Variants in FAM193B observed in about 807,000 individuals in gnomAD.
FAM193B encodes protein FAM193B.
A neutral mutation model predicts 70.7 loss-of-function variants in FAM193B; 27 were observed. That is an observed-to-expected ratio of 0.38 (90% CI 0.28 to 0.53). The LOEUF is 0.53. Among genes scored for constraint, FAM193B ranks in the 20% least tolerant of loss-of-function variants. FAM193B has a pLI of 0.81. For missense variants in FAM193B, 1,022 were observed against 1,072.5 expected (o/e 0.95, Z 0.66); for synonymous variants, 448 against 436.0 (o/e 1.03, Z -0.34).
chr5:177,526,368 G>T (rs140611636), intron 5 of FAM193B, among the ~76,000 whole-genome samples: 1 of 152,318 alleles, frequency 6.6e-6, no homozygotes, highest in East Asian at 1.9e-4. Flanking sequence ...CGAAGGTGGG[G>T]CTGGGCTTCG....
chr5:177,541,196 T>G (rs1764807473), intron 1 of FAM193B, among the ~76,000 whole-genome samples: 1 of 152,128 alleles, frequency 6.6e-6, no homozygotes, highest in African/African-American at 2.4e-5. Flanking sequence ...GGAAGGTGGA[T>G]AGAGAAGGAT....
At chr5:177,542,133 TTC>T (rs1200126367) in intron 1 of FAM193B, among the ~76,000 whole-genome samples, 3 of 152,238 alleles carry the variant, frequency 2.0e-5, no homozygotes, top group African/African-American at 4.8e-5. Context: ...TACGTGTGTT[TTC>T]TGTTTTTAAA....
intron 5 of FAM193B, chr5:177,525,461 T>C (rs538121215): frequency 1.9e-5 from 7 of 375,696 alleles, no homozygotes; most frequent in African/African-American, 6.2e-5. Context: ...TCAGTTTCAG[T>C]GGACTAATCT....
chr5:177,537,772 T>A lies in FAM193B; in HGVS notation c.688+101A>T, dbSNP rs1245057355. The A allele has an allele frequency of 4.9e-6, 7 of 1,432,166 alleles. No homozygotes were observed. The East Asian group carries it at 1.7e-4, about 36-fold the overall frequency. The allele number at this position is 1,432,166 out of a possible 1,614,324, so 88.7% of individuals were successfully genotyped here. A position where few individuals can be genotyped will look rare whatever the true frequency, so the allele number is the denominator to read the frequency against. ...ACCAGAACAGTTCCACTTTTACTTA[T>A]TTTAGTAACCAGTCTTATGATTTGT... On this transcript the variant is annotated intron_variant, in intron 3 of 8. Coordinates refer to ENST00000514747, the MANE Select transcript of FAM193B (RefSeq NM_001190946.3).
intron 1 of FAM193B, chr5:177,553,128 G>T: frequency 1.0e-6 from 1 of 979,752 alleles, no homozygotes; most frequent in Non-Finnish European, 1.2e-6. Context: ...GGTCAGGGGA[G>T]GCTTTGTGGG....
chr5:177,527,795 C>T (rs574389063), intron 5 of FAM193B, among the ~76,000 whole-genome samples: 4 of 152,280 alleles, frequency 2.6e-5, no homozygotes, highest in East Asian at 1.9e-4. Context: ...CCCAGTGCTC[C>T]GGCTCAGGCA....
chr5:177,523,928 A>G (rs773144347), intron 7 of FAM193B, 29 bp downstream of exon 7: 1 of 1,611,720 alleles, frequency 6.2e-7, no homozygotes, highest in South Asian at 1.1e-5. Context: ...AGTCCTCCAC[A>G]AGTGGGAGAG....
chr5:177,543,021 GA>G (rs1439756406), intron 1 of FAM193B, among the ~76,000 whole-genome samples: 8 of 152,272 alleles, frequency 5.3e-5, no homozygotes, highest in Non-Finnish European at 1.0e-4. Context: ...TGCCTACAGA[GA>G]AAGGCCCATC....
intron 5 of FAM193B, 171 bp from the exon 6 acceptor site, chr5:177,525,376 C>T (rs1461166132): frequency 1.1e-5 from 6 of 521,898 alleles, no homozygotes; most frequent in East Asian, 3.5e-5. Context: ...TGCAGCCAGA[C>T]AGGTACATGT....
At chr5:177,531,880 C>T (rs1763519259) in intron 5 of FAM193B, 6 of 1,187,454 alleles carry the variant, frequency 5.1e-6, no homozygotes, top group Non-Finnish European at 5.3e-6. Context: ...TCAAAGGTGA[C>T]TAGCAATTTA....
At chr5:177,523,441 C>T in intron 7 of FAM193B, 1 of 228,904 alleles carries the variant, frequency 4.4e-6, no homozygotes, top group Non-Finnish European at 9.1e-6. Context: ...ATCTTTTGTA[C>T]TCACTGGCCC....
rs931699224 is a variant in FAM193B at position 177,537,964 on chromosome 5, C to G, written c.597G>C (p.Leu199=). ...NSGDWDPSSF[L]SAHKLSGLWN... ...AGAGGCCCGAGAGCTTATGTGCCGA[C>G]AGGAACGAGCTAGGATCCCAGTCTC... Residue 199 remains leucine, a synonymous_variant, in exon 3 of 9, where the codon CTG becomes CTC. Transcript: ENST00000514747. 7 of 1,566,484 alleles carry G rather than the reference C, an allele frequency of 4.5e-6. No individual in the cohort carries two copies. Among genetic ancestry groups the G allele is most frequent in the East Asian group, 2.4e-5 (1 of 42,228 alleles).
rs746366747 is a variant in FAM193B at position 177,524,393 on chromosome 5, G to T, written c.2088C>A (p.Ser696Arg). The T allele has an allele frequency of 1.3e-6, 2 of 1,569,962 alleles. No homozygotes were observed. Among genetic ancestry groups the T allele is most frequent in the Middle Eastern group, 1.7e-4 (1 of 5,910 alleles). ...CAEAGEGSRG[S>R]RPGPGWAGSP... ...TGCCAGCCCAACCTGGTCCTGGCCG[G>T]CTCCCCCGGCTCCCCTCTCCAGCCT... Residue 696 changes from serine (S) to arginine (R), a missense_variant, in exon 6 of 9, where the codon AGC (serine) becomes AGA (arginine). Physicochemically the swap from Ser to Arg is moderately radical, Grantham distance 110. Coordinates refer to ENST00000514747, the MANE Select transcript of FAM193B (RefSeq NM_001190946.3).
chr5:177,529,688 A>G (rs1763160194), intron 5 of FAM193B, among the ~76,000 whole-genome samples: 1 of 152,230 alleles, frequency 6.6e-6, no homozygotes, highest in Non-Finnish European at 1.5e-5. Context: ...GAGAGAAGAT[A>G]GCATTATCAG....
intron 4 of FAM193B, among the ~76,000 whole-genome samples, chr5:177,534,054 G>C (rs1253817833): frequency 6.6e-6 from 1 of 152,224 alleles, no homozygotes; most frequent in Non-Finnish European, 1.5e-5. Flanking sequence ...CATTGGGCTG[G>C]TCCCAACGCT....
chr5:177,522,610 G>T (rs1990909), intron 7 of FAM193B, among the ~76,000 whole-genome samples: 63,707 of 151,398 alleles, frequency 0.42, 14,562 homozygotes, highest in East Asian at 0.62. Context: ...AAAGTGCTGG[G>T]ATTACAGGTG....
chr5:177,522,023 G>C lies in FAM193B; in HGVS notation c.2421C>G (p.Asn807Lys), dbSNP rs765221962. ...AKQTRQKVAV[N>K]WTNFSLKKTT... ...TTTTCTTGAGGCTGAAGTTGGTCCA[G>C]TTCACAGCAACTTTCTGACGAGTCT... Residue 807 changes from asparagine to lysine, a missense_variant, in exon 8 of 9, where the codon AAC (asparagine) becomes AAG (lysine). By Grantham distance (94) the Asn-to-Lys change is moderately conservative. Coordinates refer to ENST00000514747, the MANE Select transcript of FAM193B (RefSeq NM_001190946.3). 1 of 1,614,042 alleles carries C rather than the reference G, an allele frequency of 6.2e-7. No individual in the cohort carries two copies. Among genetic ancestry groups the C allele is most frequent in the Non-Finnish European group, 8.5e-7 (1 of 1,179,886 alleles).
At position 177,532,130 on chromosome 5, in the gene FAM193B, C is replaced by T. The variant is rs1250069715; in HGVS notation, c.1275+313G>A. The T allele has an allele frequency of 6.6e-6, 9 of 1,356,274 alleles. No homozygotes were observed. The South Asian group carries it at 8.6e-5, about 13-fold the overall frequency. The allele number at this position is 1,356,274 out of a possible 1,614,324, so 84.0% of individuals were successfully genotyped here. A position where few individuals can be genotyped will look rare whatever the true frequency, so the allele number is the denominator to read the frequency against. On this transcript the variant is annotated intron_variant, in intron 5 of 8. Transcript: ENST00000514747. The surrounding 1 kb of genome is among the most constrained non-coding windows in gnomAD (Gnocchi z 4.9). The stretch of plus-strand genomic sequence containing the variant: ...CTTCATCACTCCCAAGCGTTCACTT[C>T]TCTGGGATTACACACGTATACATAC...
chr5:177,520,141 G>C lies in FAM193B; in HGVS notation c.*42C>G, dbSNP rs1042853078. Reference sequence around the variant, plus strand: ...ATTATACGCCTTCAGCTGGCAGTCAGGGCCTCAGGACGCCCTGAAGCAGCT... The same window carrying C: ...ATTATACGCCTTCAGCTGGCAGTCACGGCCTCAGGACGCCCTGAAGCAGCT... On this transcript the variant is annotated 3_prime_UTR_variant, in exon 9 of 9. Transcript: ENST00000514747. The C allele has an allele frequency of 2.0e-5, 3 of 152,504 alleles. No individual in the cohort carries two copies. The highest frequency in any genetic ancestry group is 7.2e-5 in the African/African-American group (3 of 41,428). The allele number at this position is 152,504 out of a possible 1,614,324, so 9.4% of individuals were successfully genotyped here.
Sources: gnomAD v4.1 joint callset for allele counts (sites outside exome capture counted in the v4.1 genomes callset) on GRCh38, gnomAD v4.1.1 for gene constraint, Gnocchi (gnomAD v3.1) non-coding constraint, MANE v1.5 for transcripts, NCBI Gene and HGNC (gene_info 2026-07-23, HGNC 2026-07-21) for gene names.